Variants in ASH1L observed in about 807,000 individuals in gnomAD.
ASH1L encodes the protein histone-lysine N-methyltransferase ASH1L.
In ASH1L, 23 loss-of-function variants were observed where a neutral mutation model predicts 269.0. The observed-to-expected ratio is 0.09, with a 90% CI of 0.06 to 0.12. ASH1L has a LOEUF of 0.12. ASH1L is among the 10% of genes least tolerant of loss of function. The pLI is 1.00. For synonymous variants in ASH1L, 1,187 were observed against 1,253.5 expected, an observed-to-expected ratio of 0.95 and a Z score of 1.12; for missense variants, 2,912 against 3,567.8, an observed-to-expected ratio of 0.82 and a Z score of 4.68.
intron 2 of ASH1L, among the ~76,000 whole-genome samples, chr1:155,495,994 C>T (rs113363487): frequency 1.6e-3 from 241 of 151,396 alleles, no homozygotes; most frequent in African/African-American, 5.7e-3. Context: ...GCAAGACTGT[C>T]TCAATTAAAA....
intron 1 of ASH1L, among the ~76,000 whole-genome samples, chr1:155,539,904 A>C: frequency 6.6e-6 from 1 of 151,930 alleles, no homozygotes; most frequent in East Asian, 1.9e-4. Context: ...AAAAATAAAA[A>C]ATAAAATAAA....
At chr1:155,465,289 CAAAAAAA>C (rs1171228344) in intron 3 of ASH1L, among the ~76,000 whole-genome samples, 24 of 62,574 alleles carry the variant, frequency 3.8e-4, no homozygotes, top group Admixed American at 7.4e-4. Context: ...TACAAATTAG[CAAAAAAA>C]AAAAAAAAAA....
chr1:155,543,427 T>C (rs1488942562), intron 1 of ASH1L, among the ~76,000 whole-genome samples: 1 of 149,696 alleles, frequency 6.7e-6, no homozygotes, highest in Admixed American at 6.8e-5. Flanking sequence ...GGAAAATTGC[T>C]TGAACCCAGG....
At chr1:155,370,392 A>T (rs1655836945) in intron 12 of ASH1L, 112 bp downstream of exon 12, 1 of 1,406,646 alleles carries the variant, frequency 7.1e-7, no homozygotes, top group South Asian at 1.3e-5. Flanking sequence ...GGTAATGGGG[A>T]ACAGCCTGAG....
At position 155,562,209 on chromosome 1, in the gene ASH1L, G is replaced by A. The variant is rs748141824; in HGVS notation, c.-156C>T. On this transcript the variant is annotated 5_prime_UTR_variant, in exon 1 of 28. Transcript: ENST00000392403. ...GATGAGAGTGCAGGGAAGTGGGGAA[G>A]AGGGGGTGGCCGCCAGGCTCCTCCG... is the stretch of plus-strand genomic sequence containing the variant. 1.2e-6 allele frequency: 2 copies of A among 1,609,358 alleles called. No individual in the cohort carries two copies. The highest frequency in any genetic ancestry group is 1.7e-5 in the Admixed American group (1 of 59,910).
chr1:155,378,628 G>A, intron 8 of ASH1L, 80 bp from the exon 9 acceptor site: 2 of 1,164,956 alleles, frequency 1.7e-6, no homozygotes, highest in Non-Finnish European at 2.5e-6. Context: ...AAAAATACAG[G>A]AAATTTTCTA....
intron 6 of ASH1L, among the ~76,000 whole-genome samples, chr1:155,399,344 T>C (rs1324501980): frequency 2.0e-5 from 3 of 152,140 alleles, no homozygotes; most frequent in Non-Finnish European, 4.4e-5. Context: ...TGATAAAACT[T>C]TGAGGCCGGG....
At chr1:155,515,165 G>A (rs1418923336) in intron 2 of ASH1L, among the ~76,000 whole-genome samples, 1 of 152,096 alleles carries the variant, frequency 6.6e-6, no homozygotes, top group Admixed American at 6.5e-5. Context: ...AATGCCTGCC[G>A]CCAGCACTGA....
rs1236587541 is a variant in ASH1L, at chr1:155,352,845, G to A, written c.7227C>T (p.Thr2409=). The A allele has an allele frequency of 2.5e-6, 4 of 1,600,186 alleles. No homozygotes were observed. The highest frequency in any genetic ancestry group is 3.4e-6 in the Non-Finnish European group (4 of 1,175,872). The change falls in exon 17 of 28, where the codon ACC becomes ACT. Residue 2409 remains threonine, a synonymous_variant. Transcript: ENST00000392403. ...DGNIKSDVFM[T]QFSALQTARS... ...GAGCTGTCTGCAGGGCAGAGAACTG[G>A]GTCATGAAGACATCTGGAAAAATAA...
intron 10 of ASH1L, among the ~76,000 whole-genome samples, chr1:155,376,774 G>A (rs889484921): frequency 6.6e-6 from 1 of 151,318 alleles, no homozygotes; most frequent in African/African-American, 2.4e-5. Context: ...AGAATCTCTT[G>A]AACCCGGGAG....
intron 15 of ASH1L, among the ~76,000 whole-genome samples, chr1:155,355,604 T>C (rs1475941581): frequency 6.6e-6 from 1 of 152,228 alleles, no homozygotes; most frequent in Non-Finnish European, 1.5e-5. Flanking sequence ...AATTCTCATT[T>C]AAGTGGTCTA....
At chr1:155,433,824 A>C (rs1224562611) in intron 5 of ASH1L, 9 of 1,606,682 alleles carry the variant, frequency 5.6e-6, no homozygotes, top group Non-Finnish European at 7.6e-6. Flanking sequence ...GACAACAATG[A>C]AAATCTTCAG....
At chr1:155,473,965 A>G (rs866574338) in intron 3 of ASH1L, among the ~76,000 whole-genome samples, 3 of 152,274 alleles carry the variant, frequency 2.0e-5, no homozygotes, top group Non-Finnish European at 2.9e-5. Context: ...CCTCCCGAGT[A>G]GCTGAGACTA....
At position 155,480,886 on chromosome 1, in the gene ASH1L, T is replaced by C. The variant is rs765062084; in HGVS notation, c.1984A>G (p.Ile662Val). Residue 662 changes from isoleucine (I) to valine (V), a missense_variant, in exon 3 of 28, where the codon ATT becomes GTT. Physicochemically the swap from Ile to Val is conservative, Grantham distance 29. Transcript: ENST00000392403. ...KKPSLTSESSIHTITPSVVNF... is the reference protein window; with the variant it reads ...KKPSLTSESSVHTITPSVVNF... ...ACAACTGAAGGAGTAATAGTATGAA[T>C]GCTGGATTCAGAAGTCAAACTTGGC... 6.2e-7 allele frequency: 1 copy of C among 1,614,002 alleles called. No individual in the cohort carries two copies. The highest frequency in any genetic ancestry group is 1.7e-5 in the Admixed American group (1 of 59,996).
Position 155,482,459 on chromosome 1 carries a change from G to A in ASH1L, c.421-10C>T. The A allele has an allele frequency of 6.3e-7, 1 of 1,587,504 alleles. No individual in the cohort carries two copies. The highest frequency in any genetic ancestry group is 1.2e-5 in the South Asian group (1 of 86,700). ...ACAACTTTGAAGGGTCCTAAAATTTGAACAAGAAAAAAGTTAAAGAGGGAG... is the reference window on the plus strand; with the variant it reads ...ACAACTTTGAAGGGTCCTAAAATTTAAACAAGAAAAAAGTTAAAGAGGGAG... On this transcript the variant is annotated splice_polypyrimidine_tract_variant and intron_variant, in intron 2 of 27. Transcript: ENST00000392403.
At chr1:155,530,146 CAGA>C (rs1010838889) in intron 1 of ASH1L, among the ~76,000 whole-genome samples, 11 of 151,964 alleles carry the variant, frequency 7.2e-5, no homozygotes, top group South Asian at 2.1e-4. Flanking sequence ...CGTAATTTTA[CAGA>C]AGAAGCATTT....
chr1:155,524,569 G>A (rs1313860598), intron 1 of ASH1L, among the ~76,000 whole-genome samples: 3 of 148,990 alleles, frequency 2.0e-5, no homozygotes, highest in Non-Finnish European at 4.5e-5. Flanking sequence ...ACAGTAGCTC[G>A]CACCTACAAT....
chr1:155,347,978 A>G, intron 19 of ASH1L, 74 bp from the exon 20 acceptor site: 1 of 1,582,208 alleles, frequency 6.3e-7, no homozygotes, highest in Non-Finnish European at 8.6e-7. Flanking sequence ...AGAGGTAGCA[A>G]GGTAGCATGA....
At chr1:155,420,377 A>C (rs1281241547) in intron 5 of ASH1L, among the ~76,000 whole-genome samples, 1 of 150,898 alleles carries the variant, frequency 6.6e-6, no homozygotes, top group African/African-American at 2.4e-5. Context: ...AAAAAAAAAA[A>C]ACAAAAACAA....
Sources: allele counts gnomAD v4.1 joint callset (sites outside exome capture counted in the v4.1 genomes callset), GRCh38; gene constraint gnomAD v4.1.1; transcripts MANE v1.5; gene names NCBI Gene and HGNC (gene_info 2026-07-23, HGNC 2026-07-21).